FGGY: variants seen among roughly 807,000 people sequenced by gnomAD.
FGGY encodes FGGY carbohydrate kinase domain-containing protein.
A neutral mutation model predicts 71.3 loss-of-function variants in FGGY; 72 were observed. The observed-to-expected ratio is 1.01, with a 90% CI of 0.84 to 1.23. The LOEUF is 1.23. Among genes scored for constraint, FGGY ranks in the 50% most tolerant of loss-of-function variants. FGGY has a pLI of 0.00. For missense variants in FGGY, 668 were observed against 682.3 expected (o/e 0.98, Z 0.23); for synonymous variants, 251 against 250.3 (o/e 1.00, Z -0.02).
chr1:59,472,299 G>C (rs544527145), intron 6 of FGGY, among the ~76,000 whole-genome samples: 4 of 152,348 alleles, frequency 2.6e-5, no homozygotes, highest in South Asian at 4.1e-4. Flanking sequence ...TCAATTTCTC[G>C]AGGGGCCTTA....
intron 14 of FGGY, among the ~76,000 whole-genome samples, chr1:59,746,200 A>G (rs2098195774): frequency 6.6e-6 from 1 of 152,100 alleles, no homozygotes; most frequent in Non-Finnish European, 1.5e-5. Context: ...CAGGGGAGAC[A>G]TGTGTCATTG....
At chr1:59,542,648 G>C (rs529436869) in intron 7 of FGGY, among the ~76,000 whole-genome samples, 1 of 151,834 alleles carries the variant, frequency 6.6e-6, no homozygotes, top group African/African-American at 2.4e-5. Flanking sequence ...TAGAGATGGG[G>C]TTTCTCCATG....
At chr1:59,739,621 T>C (rs973149571) in intron 14 of FGGY, among the ~76,000 whole-genome samples, 4 of 152,204 alleles carry the variant, frequency 2.6e-5, no homozygotes, top group African/African-American at 9.6e-5. Flanking sequence ...GGCCACATTA[T>C]GCTTTGAGTT....
intron 11 of FGGY, among the ~76,000 whole-genome samples, chr1:59,659,564 C>A (rs1476031639): frequency 6.6e-6 from 1 of 152,190 alleles, no homozygotes; most frequent in Non-Finnish European, 1.5e-5. Context: ...CAAGAGAACA[C>A]CTTGATGAGT....
intron 10 of FGGY, among the ~76,000 whole-genome samples, chr1:59,637,228 G>A (rs939379796): frequency 1.3e-5 from 2 of 152,108 alleles, no homozygotes; most frequent in Non-Finnish European, 2.9e-5. Context: ...GAACTGAGTA[G>A]TGCTCTCATG....
intron 8 of FGGY, among the ~76,000 whole-genome samples, chr1:59,577,138 A>G (rs1267273057): frequency 6.6e-6 from 1 of 152,186 alleles, no homozygotes; most frequent in African/African-American, 2.4e-5. Context: ...ACCTCCTCCC[A>G]GCACCTGGTA....
intron 4 of FGGY, among the ~76,000 whole-genome samples, chr1:59,350,223 T>C (rs78011312): frequency 0.025 from 3,800 of 152,196 alleles, 180 homozygotes; most frequent in African/African-American, 0.088. Flanking sequence ...CCAGCAACTG[T>C]GATAGGCACT....
intron 8 of FGGY, among the ~76,000 whole-genome samples, chr1:59,577,518 T>G (rs1240906356): frequency 6.6e-6 from 1 of 151,558 alleles, no homozygotes; most frequent in African/African-American, 2.4e-5. Flanking sequence ...GAGAGAGGGG[T>G]TGGGTATAGT....
intron 1 of FGGY, among the ~76,000 whole-genome samples, chr1:59,309,721 A>G (rs528049351): frequency 5.8e-4 from 89 of 152,164 alleles, no homozygotes; most frequent in African/African-American, 2.1e-3. Context: ...CTTGCCTGTA[A>G]TCCCAGCACT....
At chr1:59,703,295 T>C (rs188986484) in intron 14 of FGGY, among the ~76,000 whole-genome samples, 31 of 152,290 alleles carry the variant, frequency 2.0e-4, no homozygotes, top group Admixed American at 2.0e-3. Flanking sequence ...TCCAGTGCTA[T>C]TTACTGAGTG....
At chr1:59,514,279 G>A (rs1418119632) in intron 7 of FGGY, among the ~76,000 whole-genome samples, 2 of 152,126 alleles carry the variant, frequency 1.3e-5, no homozygotes. Flanking sequence ...CAATCACTTG[G>A]CTGGGACCGG....
At chr1:59,699,334 G>T in intron 14 of FGGY, 2 of 985,066 alleles carry the variant, frequency 2.0e-6, no homozygotes, top group African/African-American at 3.5e-5. Flanking sequence ...TGTATTAAAT[G>T]ATGTCTGCCT....
At chr1:59,531,502 G>C (rs1168358131) in intron 7 of FGGY, among the ~76,000 whole-genome samples, 1 of 152,110 alleles carries the variant, frequency 6.6e-6, no homozygotes, top group Non-Finnish European at 1.5e-5. Flanking sequence ...AGCTACTAAA[G>C]GACTTGAGGG....
intron 13 of FGGY, among the ~76,000 whole-genome samples, chr1:59,668,683 T>G (rs990288008): frequency 6.6e-6 from 1 of 152,104 alleles, no homozygotes; most frequent in African/African-American, 2.4e-5. Context: ...CTGAGGACAG[T>G]AAGAAAAGCA....
chr1:59,667,230 T>C, intron 12 of FGGY, 53 bp from the exon 13 acceptor site: 1 of 1,610,514 alleles, frequency 6.2e-7, no homozygotes, highest in Admixed American at 1.7e-5. Flanking sequence ...AAGTGTTCCC[T>C]AGTGTTTACT....
chr1:59,616,854 A>G (rs898777772), intron 9 of FGGY, among the ~76,000 whole-genome samples: 4 of 152,132 alleles, frequency 2.6e-5, no homozygotes, highest in African/African-American at 4.8e-5. Flanking sequence ...TCCTATGATC[A>G]TACCTATAGA....
At chr1:59,555,218 C>T (rs1558333743) in intron 8 of FGGY, among the ~76,000 whole-genome samples, 1 of 152,102 alleles carries the variant, frequency 6.6e-6, no homozygotes, top group Admixed American at 6.5e-5. Context: ...TAATGTGAGG[C>T]CCCCCAATGT....
At chr1:59,709,092 A>G (rs1202690923) in intron 14 of FGGY, among the ~76,000 whole-genome samples, 1 of 152,092 alleles carries the variant, frequency 6.6e-6, no homozygotes, top group Admixed American at 6.5e-5. Context: ...GCGCGCATAC[A>G]CGTCCTCACT....
Position 59,622,967 on chromosome 1 carries a change from T to G in FGGY, c.1012-3021T>G, listed in dbSNP as rs548699926. On this transcript the variant is annotated intron_variant, in intron 9 of 15. Transcript: ENST00000303721. ...TTGTTATCAAAATGTGTCTCATCAT[T>G]CATTCATTAGAGATGTCAGCATTGC... is the stretch of plus-strand genomic sequence containing the variant. Among the ~76,000 whole-genome samples the G allele has an allele frequency of 5.9e-5, 9 of 152,310 alleles. No individual in the cohort carries two copies. The South Asian group carries it at 1.9e-3, about 32-fold the overall frequency.
Sources: allele counts gnomAD v4.1 joint callset (sites outside exome capture counted in the v4.1 genomes callset), GRCh38; gene constraint gnomAD v4.1.1; transcripts MANE v1.5; gene names NCBI Gene and HGNC (gene_info 2026-07-23, HGNC 2026-07-21).